Variants in GGT6 observed in about 807,000 individuals in gnomAD.
The protein encoded by GGT6 is gamma-glutamyltransferase 6.
Under a neutral mutation model 17.0 loss-of-function variants are expected in GGT6, and 13 were observed. The ratio of observed to expected loss-of-function variants is 0.77; its 90% CI spans 0.50 to 1.22. The LOEUF (loss-of-function observed/expected upper bound fraction) is 1.22. GGT6 is among the 50% of genes most tolerant of loss of function. The probability of loss-of-function intolerance (pLI) is 0.00; values close to 1 mark genes in which losing one functional copy is unlikely to be tolerated. For synonymous variants in GGT6, 305 were observed against 297.9 expected (o/e 1.02, Z -0.25); for missense variants, 628 against 643.7 (o/e 0.98, Z 0.26).
chr17:4,556,531 A>G (rs914202396), downstream of GGT6, among the ~76,000 whole-genome samples: 3 of 152,194 alleles, frequency 2.0e-5, no homozygotes, highest in African/African-American at 7.2e-5. Flanking sequence ...GGGAACTGCT[A>G]CTGGTCACCC....
chr17:4,558,441 G>C lies in GGT6; in HGVS notation c.1074C>G (p.Ala358=). 1 of 1,607,202 alleles carries C rather than the reference G, an allele frequency of 6.2e-7. No individual in the cohort carries two copies. Among genetic ancestry groups the C allele is most frequent in the Non-Finnish European group, 8.5e-7 (1 of 1,179,928 alleles). Residue 358 remains alanine (A), a synonymous_variant, in exon 4 of 4, where the codon GCC becomes GCG. Coordinates refer to ENST00000381550, the MANE Select transcript of GGT6 (RefSeq NM_001288702.2). The part of the protein sequence containing the change: ...LQTAVSPESS[A]LAAVDSSGSV... ...AGCCGCTGCTGTCCACGGCGGCCAG[G>C]GCACTGCTCTCGGGGCTCACAGCAG... is the stretch of plus-strand genomic sequence containing the variant.
At position 4,558,855 on chromosome 17, in the gene GGT6, C is replaced by T. The variant is rs769900306; in HGVS notation, c.660G>A (p.Leu220=). ...GAGCCCTTGCCAGGGGTGTGTCCAC[C>T]AGGAAGCCCTCCTGAGCCAGCGTGG... ...GPTTLAQEGF[L]VDTPLARALV... The change falls in exon 4 of 4, where the codon CTG becomes CTA. Residue 220 remains leucine (L), a synonymous_variant. Transcript: ENST00000381550. 1 of 1,547,116 alleles carries T rather than the reference C, an allele frequency of 6.5e-7. No homozygotes were observed. Among genetic ancestry groups the T allele is most frequent in the South Asian group, 1.2e-5 (1 of 83,498 alleles).
rs772888256 is a variant in GGT6 at position 4,558,724 on chromosome 17, A to T, written c.791T>A (p.Leu264His). Residue 264 changes from leucine (L) to histidine (H), a missense_variant, in exon 4 of 4, where the codon CTT (leucine) becomes CAT (histidine). Leu to His is a moderately conservative substitution (Grantham distance 99, BLOSUM62 -3). Transcript: ENST00000381550. ...GGTGGGAGCGAGGGCTGCGCTGCGA[A>T]GCACAGCTGCCAGTTGTGGGTTGGT... ...RATNPQLAAV[L>H]RSAALAPTSD... 6.2e-7 allele frequency: 1 copy of T among 1,602,400 alleles called. No individual in the cohort carries two copies. The highest frequency in any genetic ancestry group is 1.3e-5 in the African/African-American group (1 of 74,850).
At position 4,558,425 on chromosome 17, in the gene GGT6, T is replaced by G. The variant is rs1464638997; in HGVS notation, c.1090A>C (p.Ser364Arg). The change falls in exon 4 of 4, where the codon AGC becomes CGC. Residue 364 changes from serine (S) to arginine (R), a missense_variant. Transcript: ENST00000381550. ...GTGAGAAGGAGCACAGAGCCGCTGC[T>G]GTCCACGGCGGCCAGGGCACTGCTC... ...PESSALAAVD[S>R]SGSVLLLTSS... 2.5e-6 allele frequency: 4 copies of G among 1,606,044 alleles called. No homozygotes were observed. In the East Asian group the frequency reaches 8.9e-5, roughly 36 times the overall value.
rs1288446268 is a variant in GGT6 at position 4,557,924 on chromosome 17, C to T, written c.*91G>A. 17 of 846,918 alleles carry T rather than the reference C, an allele frequency of 2.0e-5. No homozygotes were observed. The highest frequency in any genetic ancestry group is 1.2e-4 in the African/African-American group (7 of 58,522). The allele number at this position is 846,918 out of a possible 1,614,324, so 52.5% of individuals were successfully genotyped here. A position where few individuals can be genotyped will look rare whatever the true frequency, so the allele number is the denominator to read the frequency against. On this transcript the variant is annotated 3_prime_UTR_variant, in exon 4 of 4. Coordinates refer to ENST00000381550, the MANE Select transcript of GGT6 (RefSeq NM_001288702.2). The stretch of plus-strand genomic sequence containing the variant: ...TACAGGTGTGAGGCACCACACCCTG[C>T]GGGTGCACACTCCATTGCTGCTGTG...
Position 4,558,619 on chromosome 17 carries a change from G to T in GGT6, c.896C>A (p.Pro299His). 6.4e-7 allele frequency: 1 copy of T among 1,568,212 alleles called. No individual in the cohort carries two copies. The highest frequency in any genetic ancestry group is 8.6e-7 in the Non-Finnish European group (1 of 1,157,632). Residue 299 changes from proline (P) to histidine (H), a missense_variant, in exon 4 of 4, where the codon CCC becomes CAC. Transcript: ENST00000381550. Reference sequence around the variant, plus strand: ...TAGCTGCTCTGCTGGTTCCAAAGTGGGCCTGGGCACAGCCGAGGGCACCTC... The same window carrying T: ...TAGCTGCTCTGCTGGTTCCAAAGTGTGCCTGGGCACAGCCGAGGGCACCTC... ...GVEVPSAVPR[P>H]TLEPAEQLPV...
intron 3 of GGT6, 88 bp from the exon 4 acceptor site, chr17:4,559,145 C>T: frequency 6.7e-7 from 1 of 1,484,694 alleles, no homozygotes; most frequent in Non-Finnish European, 9.1e-7. Flanking sequence ...AGCCTGGGAT[C>T]AGGAGTTACT....
chr17:4,559,093 G>A (rs1273966010), intron 3 of GGT6, 36 bp from the exon 4 acceptor site: 34 of 1,539,124 alleles, frequency 2.2e-5, no homozygotes, highest in Non-Finnish European at 2.8e-5. Flanking sequence ...GCAGCCGCAG[G>A]TCAAGGGTCA....
In GGT6 at chr17:4,557,921, CTGCGGG is replaced by C. The variant is rs1908279148; in HGVS notation, c.*88_*93del. On this transcript the variant is annotated 3_prime_UTR_variant, in exon 4 of 4. Transcript: ENST00000381550. The stretch of plus-strand genomic sequence containing the variant: ...GATTACAGGTGTGAGGCACCACACC[CTGCGGG>C]TGCACACTCCATTGCTGCTGTGTCT... 1.2e-6 allele frequency: 1 copy of C among 838,162 alleles called. No homozygotes were observed. Among genetic ancestry groups the C allele is most frequent in the South Asian group, 1.8e-5 (1 of 55,316 alleles). 51.9% of individuals were successfully genotyped at this position (838,162 alleles called of 1,614,324 possible).
intron 1 of GGT6, chr17:4,559,963 G>A: frequency 1.6e-6 from 1 of 608,786 alleles, no homozygotes; most frequent in Non-Finnish European, 2.9e-6. Flanking sequence ...GCCTAGCTAG[G>A]GAGGGAGCCT....
At position 4,557,511 on chromosome 17, in the gene GGT6, C is replaced by T. The variant is rs1377768115; in HGVS notation, c.*504G>A. The T allele has an allele frequency of 1.3e-5, 2 of 151,902 alleles. No homozygotes were observed. The highest frequency in any genetic ancestry group is 1.3e-4 in the Admixed American group (2 of 15,238). The allele number at this position is 151,902 out of a possible 1,614,324, so 9.4% of individuals were successfully genotyped here. On this transcript the variant is annotated 3_prime_UTR_variant, in exon 4 of 4. Coordinates refer to ENST00000381550, the MANE Select transcript of GGT6 (RefSeq NM_001288702.2). ...TGTATTTTTAGTAGAGACGGGGTTT[C>T]GCCATGTTGCCCAAGCTGGTCTCGA...
chr17:4,560,230 G>T (rs1908541302), intron 1 of GGT6, 152 bp downstream of exon 1: 1 of 820,496 alleles, frequency 1.2e-6, no homozygotes, highest in African/African-American at 1.7e-5. Flanking sequence ...CAAGTCTCGG[G>T]CTACAGCCTG....
At position 4,558,473 on chromosome 17, in the gene GGT6, G is replaced by A. The variant is rs752627549; in HGVS notation, c.1042C>T (p.Leu348=). 1 of 1,608,354 alleles carries A rather than the reference G, an allele frequency of 6.2e-7. No homozygotes were observed. Among genetic ancestry groups the A allele is most frequent in the South Asian group, 1.1e-5 (1 of 90,902 alleles). The change falls in exon 4 of 4, where the codon CTG becomes TTG. Residue 348 remains leucine, a synonymous_variant. Transcript: ENST00000381550. ...CTCTCGGGGCTCACAGCAGTCTGCA[G>A]GAACGGTGGGCAGGGGTCAGGGATG... is the stretch of plus-strand genomic sequence containing the variant. The part of the protein sequence containing the change: ...APIPDPCPPF[L]QTAVSPESSA...
Position 4,558,380 on chromosome 17 carries a change from AG to A in GGT6, c.1134del (p.Phe379LeufsTer58). 6.2e-7 allele frequency: 1 copy of A among 1,606,018 alleles called. No individual in the cohort carries two copies. ...VLLLTSSLNC[S>X]FGSAHLSPST... ...CTTGGGGACAGGTGTGCAGAGCCAA[AG>A]GAGCAGTTGAGCGAGGAGGTGAGAA... is the stretch of plus-strand genomic sequence containing the variant. On this transcript the variant is annotated frameshift_variant, in exon 4 of 4. Coordinates refer to ENST00000381550, the MANE Select transcript of GGT6 (RefSeq NM_001288702.2). LOFTEE classifies it low-confidence loss of function (END_TRUNC).
intron 3 of GGT6, 21 bp from the exon 4 acceptor site, chr17:4,559,078 C>T (rs1908432455): frequency 6.5e-7 from 1 of 1,539,334 alleles, no homozygotes; most frequent in African/African-American, 1.4e-5. Flanking sequence ...CAGAGGGGTC[C>T]CTCAGCAGCC....
rs1328522432 is a variant in GGT6 at position 4,557,200 on chromosome 17, G to A, written c.*815C>T. 1 of 152,236 alleles carries A rather than the reference G, an allele frequency of 6.6e-6. No homozygotes were observed. Among genetic ancestry groups the A allele is most frequent in the East Asian group, 1.9e-4 (1 of 5,206 alleles). 9.4% of individuals were successfully genotyped at this position (152,236 alleles called of 1,614,324 possible). A position where few individuals can be genotyped will look rare whatever the true frequency, so the allele number is the denominator to read the frequency against. ...ATAAAATAGCTAGAGATTCCATCCG[G>A]TGTGGGTGATCTGAAGAATGATTGT... On this transcript the variant is annotated 3_prime_UTR_variant, in exon 4 of 4. Coordinates refer to ENST00000381550, the MANE Select transcript of GGT6 (RefSeq NM_001288702.2).
At position 4,557,344 on chromosome 17, in the gene GGT6, C is replaced by T. The variant is rs1908232171; in HGVS notation, c.*671G>A. ...TTTTTTTTTTTTTAGACAGGGTTTCCCTCTTGTTGCCCAGGTGGGGTTGCA... is the reference window on the plus strand; with the variant it reads ...TTTTTTTTTTTTTAGACAGGGTTTCTCTCTTGTTGCCCAGGTGGGGTTGCA... On this transcript the variant is annotated 3_prime_UTR_variant, in exon 4 of 4. Transcript: ENST00000381550. 1.3e-5 allele frequency: 2 copies of T among 149,564 alleles called. No homozygotes were observed. Among genetic ancestry groups the T allele is most frequent in the Admixed American group, 6.6e-5 (1 of 15,048 alleles). The allele number at this position is 149,564 out of a possible 1,614,324, so 9.3% of individuals were successfully genotyped here. A position where few individuals can be genotyped will look rare whatever the true frequency, so the allele number is the denominator to read the frequency against.
chr17:4,559,573 T>C lies in GGT6; in HGVS notation c.328A>G (p.Ile110Val). The change falls in exon 2 of 4, where the codon ATC becomes GTC. Residue 110 changes from isoleucine (I) to valine (V), a missense_variant. Transcript: ENST00000381550. Reference sequence around the variant, plus strand: ...ACTGACTGACCTGCAGGGCTGATGATGGCACCGTGGTGGTATACGCCAGGG... The same window carrying C: ...ACTGACTGACCTGCAGGGCTGATGACGGCACCGTGGTGGTATACGCCAGGG... ...HGPGVYHHGA[I>V]ISPAATCSHL... is the part of the protein sequence containing the mutation. 6.2e-7 allele frequency: 1 copy of C among 1,613,692 alleles called. No homozygotes were observed. The highest frequency in any genetic ancestry group is 8.5e-7 in the Non-Finnish European group (1 of 1,179,972).
intron 3 of GGT6, 31 bp downstream of exon 3, chr17:4,559,312 G>T: frequency 6.7e-7 from 1 of 1,491,982 alleles, no homozygotes; most frequent in Non-Finnish European, 9.2e-7. Context: ...CTGTGGGTTG[G>T]GGTTGCAGTC....
Sources: allele counts gnomAD v4.1 joint callset (sites outside exome capture counted in the v4.1 genomes callset), GRCh38; gene constraint gnomAD v4.1.1; transcripts MANE v1.5; gene names NCBI Gene and HGNC (gene_info 2026-07-23, HGNC 2026-07-21).